Variants in CD2AP observed in about 807,000 individuals in gnomAD.
The protein encoded by CD2AP is CD2 associated protein.
In CD2AP, 46 loss-of-function variants were observed where a neutral mutation model predicts 85.1. The observed-to-expected ratio is 0.54, with a 90% CI of 0.43 to 0.69. The LOEUF (loss-of-function observed/expected upper bound fraction) is 0.69, where lower values mean the gene tolerates loss of function less well. Ranked by LOEUF, CD2AP falls within the 30% of genes least tolerant of loss-of-function variation. The probability of loss-of-function intolerance (pLI) is 0.00; values close to 1 mark genes in which losing one functional copy is unlikely to be tolerated. For missense variants in CD2AP, 769 were observed against 729.5 expected, an observed-to-expected ratio of 1.05 and a Z score of -0.62; for synonymous variants, 255 against 252.9, an observed-to-expected ratio of 1.01 and a Z score of -0.08.
chr6:47,605,947 T>C (rs549656952), intron 13 of CD2AP, among the ~76,000 whole-genome samples: 38 of 151,842 alleles, frequency 2.5e-4, no homozygotes, highest in African/African-American at 8.7e-4. Flanking sequence ...TAAAGTCATA[T>C]ACTAATATAA....
intron 2 of CD2AP, among the ~76,000 whole-genome samples, chr6:47,517,340 TG>T (rs1289531488): frequency 6.6e-6 from 1 of 151,594 alleles, no homozygotes; most frequent in Admixed American, 6.6e-5. Context: ...GGGAGTGCAG[TG>T]GTGCGGTGCG....
chr6:47,622,034 A>G (rs1769759041), intron 17 of CD2AP, among the ~76,000 whole-genome samples: 2 of 152,086 alleles, frequency 1.3e-5, no homozygotes, highest in Non-Finnish European at 2.9e-5. Flanking sequence ...GCTGTTGGGG[A>G]TGAAGGTGAG....
At chr6:47,556,839 C>T (rs995043581) in intron 5 of CD2AP, among the ~76,000 whole-genome samples, 1 of 152,076 alleles carries the variant, frequency 6.6e-6, no homozygotes, top group African/African-American at 2.4e-5. Context: ...GGTGTATACC[C>T]AGTAATAGGA....
chr6:47,618,205 A>G (rs1201460585), intron 17 of CD2AP, among the ~76,000 whole-genome samples: 1 of 152,158 alleles, frequency 6.6e-6, no homozygotes, highest in Non-Finnish European at 1.5e-5. Context: ...CTGTAATCCC[A>G]GCTACTAGAG....
rs574665112 is a variant in CD2AP, at chr6:47,546,867, A to G, written c.420+2161A>G. Among the ~76,000 whole-genome samples the G allele has an allele frequency of 3.9e-5, 6 of 152,262 alleles. No individual in the cohort carries two copies. The East Asian group carries it at 7.7e-4, about 20-fold the overall frequency. ...CCATACAAGCTAGAAGGGATTTTCTATCTTGAGCCTCCTCAACAAAACAAT... is the reference window on the plus strand; with the variant it reads ...CCATACAAGCTAGAAGGGATTTTCTGTCTTGAGCCTCCTCAACAAAACAAT... On this transcript the variant is annotated intron_variant, in intron 4 of 17. Transcript: ENST00000359314.
chr6:47,478,076 A>C lies in CD2AP; in HGVS notation c.-169A>C. On this transcript the variant is annotated 5_prime_UTR_variant, in exon 1 of 18. Transcript: ENST00000359314. ...CGAGGGCCGCGCTGAAGAGACTGGTAGGAGAGCGCCGCGGGCGGATGGAGG... is the reference window on the plus strand; with the variant it reads ...CGAGGGCCGCGCTGAAGAGACTGGTCGGAGAGCGCCGCGGGCGGATGGAGG... The C allele has an allele frequency of 2.4e-6, 2 of 819,456 alleles. No individual in the cohort carries two copies. Among genetic ancestry groups the C allele is most frequent in the Admixed American group, 2.3e-5 (1 of 43,856 alleles). The allele number at this position is 819,456 out of a possible 1,614,324, so 50.8% of individuals were successfully genotyped here. A position where few individuals can be genotyped will look rare whatever the true frequency, so the allele number is the denominator to read the frequency against.
intron 5 of CD2AP, among the ~76,000 whole-genome samples, chr6:47,568,791 A>G (rs957777394): frequency 6.6e-6 from 1 of 152,090 alleles, no homozygotes; most frequent in Non-Finnish European, 1.5e-5. Flanking sequence ...TAGATGACCT[A>G]GGGAGAATAT....
At chr6:47,544,753 C>A in intron 4 of CD2AP, 47 bp downstream of exon 4, 1 of 1,112,214 alleles carries the variant, frequency 9.0e-7, no homozygotes, top group Non-Finnish European at 1.4e-6. Flanking sequence ...GTAATTGATG[C>A]TATGGATTTT....
chr6:47,495,096 G>A (rs1381610534), intron 1 of CD2AP, among the ~76,000 whole-genome samples: 3 of 152,136 alleles, frequency 2.0e-5, no homozygotes, highest in African/African-American at 7.2e-5. Flanking sequence ...CTGGGAGGTG[G>A]AGGCTGCAGT....
At chr6:47,481,409 G>C (rs1375491114) in intron 1 of CD2AP, among the ~76,000 whole-genome samples, 1 of 152,166 alleles carries the variant, frequency 6.6e-6, no homozygotes, top group African/African-American at 2.4e-5. Context: ...GCTGTGGTGC[G>C]ATCTCGGCTC....
intron 3 of CD2AP, among the ~76,000 whole-genome samples, chr6:47,541,607 G>C (rs1247732824): frequency 6.6e-6 from 1 of 152,172 alleles, no homozygotes; most frequent in African/African-American, 2.4e-5. Context: ...TTGGTTGCAT[G>C]TAGTGTGCTT....
At chr6:47,565,613 G>A (rs1430124194) in intron 5 of CD2AP, among the ~76,000 whole-genome samples, 5 of 151,988 alleles carry the variant, frequency 3.3e-5, no homozygotes, top group African/African-American at 1.2e-4. Flanking sequence ...CCCCATCTGA[G>A]TTAAGGAGAA....
chr6:47,517,284 CTTT>C (rs746217015), intron 2 of CD2AP, among the ~76,000 whole-genome samples: 12 of 141,396 alleles, frequency 8.5e-5, no homozygotes, highest in Non-Finnish European at 7.8e-5. Flanking sequence ...AATTAAACTT[CTTT>C]TTTTTTTTTT....
intron 1 of CD2AP, among the ~76,000 whole-genome samples, chr6:47,482,882 G>A (rs9473119): frequency 0.23 from 35,231 of 152,072 alleles, 4,210 homozygotes; most frequent in Non-Finnish European, 0.27. Flanking sequence ...TTACTTTAAT[G>A]TATATAAAAA....
chr6:47,613,724 A>C (rs1769506759), intron 17 of CD2AP, among the ~76,000 whole-genome samples: 1 of 152,184 alleles, frequency 6.6e-6, no homozygotes. Context: ...ACCTAACAAG[A>C]GTCAGCCTGT....
rs1332707136 is a variant in CD2AP, at chr6:47,533,665, A to T, written c.229A>T (p.Asn77Tyr). The T allele has an allele frequency of 6.2e-7, 1 of 1,614,140 alleles. No homozygotes were observed. The highest frequency in any genetic ancestry group is 8.5e-7 in the Non-Finnish European group (1 of 1,180,002). Reference sequence around the variant, plus strand: ...GCCCATCAAACGGGAAAGGCATGGGAATGTAGCAAGTCTTGTACAACGAAT... The same window carrying T: ...GCCCATCAAACGGGAAAGGCATGGGTATGTAGCAAGTCTTGTACAACGAAT... ...SLPIKRERHGNVASLVQRIST... is the reference protein window; with the variant it reads ...SLPIKRERHGYVASLVQRIST... Residue 77 changes from asparagine (N) to tyrosine (Y), a missense_variant, in exon 3 of 18, where the codon AAT becomes TAT. Asn to Tyr is a moderately radical substitution (Grantham distance 143). Transcript: ENST00000359314.
intron 1 of CD2AP, among the ~76,000 whole-genome samples, chr6:47,478,625 G>T (rs1013386458): frequency 6.6e-6 from 1 of 152,146 alleles, no homozygotes; most frequent in African/African-American, 2.4e-5. Flanking sequence ...TGGGATGGGG[G>T]AGGGCGATCG....
At chr6:47,579,707 AT>A in intron 9 of CD2AP, 1 of 501,630 alleles carries the variant, frequency 2.0e-6, no homozygotes, top group East Asian at 3.6e-5. Flanking sequence ...GTACTGAAAA[AT>A]AACCTTAGAC....
At chr6:47,591,207 A>T (rs1230519602) in intron 11 of CD2AP, among the ~76,000 whole-genome samples, 2 of 152,168 alleles carry the variant, frequency 1.3e-5, no homozygotes, top group Admixed American at 6.5e-5. Context: ...ATTCATAAAT[A>T]ATCTGTGGTG....
Sources: allele counts gnomAD v4.1 joint callset (sites outside exome capture counted in the v4.1 genomes callset), GRCh38; gene constraint gnomAD v4.1.1; transcripts MANE v1.5; gene names NCBI Gene and HGNC (gene_info 2026-07-23, HGNC 2026-07-21).